Variants in KCND3 observed in about 807,000 individuals in gnomAD.
KCND3 encodes potassium voltage-gated channel subfamily D member 3.
KCND3 carries 9 observed loss-of-function variants against 51.1 expected under a neutral mutation model. The ratio of observed to expected loss-of-function variants is 0.18; its 90% CI spans 0.11 to 0.31. The LOEUF (loss-of-function observed/expected upper bound fraction) is 0.31. Among genes scored for constraint, KCND3 ranks in the 10% least tolerant of loss-of-function variants. The pLI is 1.00. For synonymous variants in KCND3, 349 were observed against 368.0 expected (o/e 0.95, Z 0.59); for missense variants, 526 against 903.8 (o/e 0.58, Z 5.36).
rs148406001 is a variant in KCND3, at chr1:111,805,386, C to CT, written c.1107-18281_1107-18280insA. Among the ~76,000 whole-genome samples, 952 of 152,330 alleles carry CT rather than the reference C, an allele frequency of 6.2e-3. 9 individuals carry two copies. The highest frequency in any genetic ancestry group is 0.02 in the African/African-American group (847 of 41,576). The stretch of plus-strand genomic sequence containing the variant: ...GCCACAACCTGGGTGGGCACCTGGG[C>CT]CAGCCTTGTCCCCTCACCCTTGCCT... On this transcript the variant is annotated intron_variant, in intron 2 of 7. Coordinates refer to ENST00000302127, the MANE Select transcript of KCND3 (RefSeq NM_001378969.1).
chr1:111,930,052 T>A (rs976605983), intron 2 of KCND3, among the ~76,000 whole-genome samples: 1 of 152,204 alleles, frequency 6.6e-6, no homozygotes, highest in Non-Finnish European at 1.5e-5. Context: ...GATTTAATCA[T>A]ATTTTGGGTT....
At chr1:111,790,510 C>T (rs1442868718) in intron 2 of KCND3, among the ~76,000 whole-genome samples, 3 of 152,164 alleles carry the variant, frequency 2.0e-5, no homozygotes, top group Admixed American at 2.0e-4. Flanking sequence ...CAAAATAGGG[C>T]ATCTCACCCA....
At chr1:111,883,231 T>C (rs1453092910) in intron 2 of KCND3, among the ~76,000 whole-genome samples, 1 of 152,260 alleles carries the variant, frequency 6.6e-6, no homozygotes, top group African/African-American at 2.4e-5. Context: ...CTTTCATCCG[T>C]GACTTCACTG....
At chr1:111,955,400 C>G (rs1310055813) in intron 2 of KCND3, among the ~76,000 whole-genome samples, 4 of 152,148 alleles carry the variant, frequency 2.6e-5, no homozygotes. Context: ...GGCAACGGAG[C>G]AAGACCCTGT....
Position 111,773,315 on chromosome 1 carries a change from T to C in KCND3, c.*2762A>G, listed in dbSNP as rs946009891. On this transcript the variant is annotated 3_prime_UTR_variant, in exon 8 of 8. Transcript: ENST00000302127. Reference sequence around the variant, plus strand: ...GGTGCCCTATCAAACAGATCCTTTGTTGAATCTGTCACTATTCTAACCCTG... The same window carrying C: ...GGTGCCCTATCAAACAGATCCTTTGCTGAATCTGTCACTATTCTAACCCTG... The C allele has an allele frequency of 3.3e-5, 5 of 152,252 alleles. No homozygotes were observed. 9.4% of individuals were successfully genotyped at this position (152,252 alleles called of 1,614,324 possible).
At position 111,780,298 on chromosome 1, in the gene KCND3, T is replaced by C; in HGVS notation, c.1388A>G (p.Glu463Gly). Residue 463 changes from glutamate to glycine, a missense_variant, in exon 5 of 8, where the codon GAG becomes GGG. Glu to Gly is a moderately conservative substitution (Grantham distance 98). Coordinates refer to ENST00000302127, the MANE Select transcript of KCND3 (RefSeq NM_001378969.1). The surrounding 1 kb of genome is among the most constrained non-coding windows in gnomAD (Gnocchi z 4.2). Reference protein sequence around the residue: ...ALELTGTPEEEHMGKTTSLIE... With the variant: ...ALELTGTPEEGHMGKTTSLIE... ...GAGTGAGGTGGTCTTGCCCATGTGC[T>C]CCTCTTCTGGGGTGCCCTAGTAAAA... The C allele has an allele frequency of 6.3e-7, 1 of 1,575,160 alleles. No homozygotes were observed. The highest frequency in any genetic ancestry group is 8.6e-7 in the Non-Finnish European group (1 of 1,158,974).
rs569690535 is a variant in KCND3 at position 111,880,154 on chromosome 1, C to T, written c.1107-93048G>A. On this transcript the variant is annotated intron_variant, in intron 2 of 7. Coordinates refer to ENST00000302127, the MANE Select transcript of KCND3 (RefSeq NM_001378969.1). ...TACCCTTCTTTGTATTTCCCACTAA[C>T]GCTAGAACCTGCCTGGTATTCTAAG... 5.4e-4 allele frequency among the ~76,000 whole-genome samples: 82 copies of T among 152,224 alleles called. No homozygotes were observed. In the South Asian group the frequency reaches 0.016, roughly 29 times the overall value.
chr1:111,796,349 C>A (rs922518483), intron 2 of KCND3, among the ~76,000 whole-genome samples: 18 of 151,546 alleles, frequency 1.2e-4, no homozygotes, highest in Non-Finnish European at 2.1e-4. Context: ...GCACTATTCA[C>A]AATAGCAAAG....
intron 2 of KCND3, among the ~76,000 whole-genome samples, chr1:111,906,550 C>T (rs1222477331): frequency 2.0e-5 from 3 of 152,208 alleles, no homozygotes; most frequent in East Asian, 1.9e-4. Context: ...AAATGTAACT[C>T]TTTTCCTGTC....
intron 2 of KCND3, among the ~76,000 whole-genome samples, chr1:111,825,232 C>T (rs949677329): frequency 2.9e-4 from 44 of 152,194 alleles, no homozygotes; most frequent in African/African-American, 1.0e-3. Flanking sequence ...CTGGTGATCA[C>T]CGATATCAGT....
intron 2 of KCND3, among the ~76,000 whole-genome samples, chr1:111,945,845 A>G (rs1672752480): frequency 6.6e-6 from 1 of 152,170 alleles, no homozygotes. Context: ...GTCTTGGTGC[A>G]CTGGCCCTGC....
chr1:111,896,473 G>A (rs1670120259), intron 2 of KCND3, among the ~76,000 whole-genome samples: 1 of 152,238 alleles, frequency 6.6e-6, no homozygotes, highest in Non-Finnish European at 1.5e-5. Context: ...AGCCCAGAGA[G>A]AGGAGGCAAG....
At chr1:111,984,376 G>A (rs942183928) in intron 1 of KCND3, among the ~76,000 whole-genome samples, 11 of 152,098 alleles carry the variant, frequency 7.2e-5, no homozygotes, top group African/African-American at 1.9e-4. Flanking sequence ...GCTGCTGTTC[G>A]CCTTTTCTTC....
intron 2 of KCND3, among the ~76,000 whole-genome samples, chr1:111,791,601 T>G (rs1320401217): frequency 6.6e-6 from 1 of 152,248 alleles, no homozygotes; most frequent in Non-Finnish European, 1.5e-5. Context: ...CTGTTTTCGT[T>G]TAACCTTTTT....
intron 2 of KCND3, among the ~76,000 whole-genome samples, chr1:111,860,961 C>A (rs998527318): frequency 6.6e-6 from 1 of 152,166 alleles, no homozygotes; most frequent in African/African-American, 2.4e-5. Context: ...CCTGTGTGTC[C>A]CAAGGGAAGT....
chr1:111,775,906 G>A lies in KCND3; in HGVS notation c.*171C>T. The A allele has an allele frequency of 1.5e-6, 1 of 686,840 alleles. No individual in the cohort carries two copies. The highest frequency in any genetic ancestry group is 1.5e-5 in the South Asian group (1 of 65,166). 42.5% of individuals were successfully genotyped at this position (686,840 alleles called of 1,614,324 possible). The stretch of plus-strand genomic sequence containing the variant: ...CACGCTAGCAGCGTGAACCTCAGGT[G>A]CCCCTTTGCTACCTCTTTTTCCTTC... On this transcript the variant is annotated 3_prime_UTR_variant, in exon 8 of 8. Transcript: ENST00000302127.
intron 2 of KCND3, among the ~76,000 whole-genome samples, chr1:111,839,605 C>T (rs534492646): frequency 9.2e-5 from 14 of 152,350 alleles, no homozygotes; most frequent in South Asian, 2.1e-4. Flanking sequence ...GAGCATTACA[C>T]GCAGGGAATA....
chr1:111,773,165 A>T lies in KCND3; in HGVS notation c.*2912T>A, dbSNP rs954863519. The T allele has an allele frequency of 1.3e-5, 2 of 152,234 alleles. No individual in the cohort carries two copies. Among genetic ancestry groups the T allele is most frequent in the African/African-American group, 4.8e-5 (2 of 41,462 alleles). The allele number at this position is 152,234 out of a possible 1,614,324, so 9.4% of individuals were successfully genotyped here. Reference sequence around the variant, plus strand: ...AGGAAGTGGCATGACGTGGGCTCTGAACGTGAAGTGGAAGGAACACAAAAC... The same window carrying T: ...AGGAAGTGGCATGACGTGGGCTCTGTACGTGAAGTGGAAGGAACACAAAAC... On this transcript the variant is annotated 3_prime_UTR_variant, in exon 8 of 8. Coordinates refer to ENST00000302127, the MANE Select transcript of KCND3 (RefSeq NM_001378969.1).
At chr1:111,922,459 CG>C (rs1671514447) in intron 2 of KCND3, among the ~76,000 whole-genome samples, 1 of 152,184 alleles carries the variant, frequency 6.6e-6, no homozygotes, top group Non-Finnish European at 1.5e-5. Flanking sequence ...CAAATGTTTA[CG>C]GAGTACAGTA....
Sources: gnomAD v4.1 joint callset for allele counts (sites outside exome capture counted in the v4.1 genomes callset) on GRCh38, gnomAD v4.1.1 for gene constraint, Gnocchi (gnomAD v3.1) non-coding constraint, MANE v1.5 for transcripts, NCBI Gene and HGNC (gene_info 2026-07-23, HGNC 2026-07-21) for gene names.